Variants in PALS2 observed in about 807,000 individuals in gnomAD.
PALS2 encodes protein associated with LIN7 2, MAGUK p55 family member, also known as protein PALS2.
Under a neutral mutation model 61.6 loss-of-function variants are expected in PALS2, and 27 were observed. The ratio of observed to expected loss-of-function variants is 0.44; its 90% CI spans 0.32 to 0.60. The LOEUF is 0.60. PALS2 is among the 20% of genes least tolerant of loss of function. PALS2 has a pLI of 0.05. For synonymous variants in PALS2, 236 were observed against 218.6 expected (o/e 1.08, Z -0.70); for missense variants, 554 against 639.4 (o/e 0.87, Z 1.44).
intron 9 of PALS2, among the ~76,000 whole-genome samples, chr7:24,677,680 A>C (rs1006201125): frequency 1.3e-5 from 2 of 152,202 alleles, no homozygotes; most frequent in Non-Finnish European, 2.9e-5. Context: ...ACATTTATTG[A>C]GAAGTTTTAT....
intron 4 of PALS2, 119 bp from the exon 5 acceptor site, chr7:24,650,366 G>T: frequency 1.2e-6 from 1 of 851,786 alleles, no homozygotes. Flanking sequence ...AGAGAACATG[G>T]GAAAAGTAAG....
chr7:24,691,042 C>A lies in PALS2; in HGVS notation c.*3428C>A, dbSNP rs545337671. 6.6e-6 allele frequency: 1 copy of A among 151,906 alleles called. No individual in the cohort carries two copies. The highest frequency in any genetic ancestry group is 1.5e-5 in the Non-Finnish European group (1 of 67,946). 9.4% of individuals were successfully genotyped at this position (151,906 alleles called of 1,614,324 possible). On this transcript the variant is annotated 3_prime_UTR_variant, in exon 12 of 12. Transcript: ENST00000222644. ...TATCCCAATGACAATAAAAAATGAT[C>A]CTTGGTTTAAAAATTATTAAATGGT...
intron 2 of PALS2, among the ~76,000 whole-genome samples, chr7:24,629,601 A>G (rs1033414185): frequency 2.6e-5 from 4 of 152,112 alleles, no homozygotes; most frequent in African/African-American, 7.2e-5. Flanking sequence ...AAGGGCTAAT[A>G]TCCAGACTCT....
At chr7:24,648,950 C>T (rs1186207402) in intron 3 of PALS2, among the ~76,000 whole-genome samples, 2 of 150,944 alleles carry the variant, frequency 1.3e-5, no homozygotes, top group African/African-American at 2.4e-5. Flanking sequence ...AGATCAAAAC[C>T]ACCCATGCTG....
chr7:24,597,838 A>G (rs1481522740), intron 1 of PALS2, among the ~76,000 whole-genome samples: 2 of 152,144 alleles, frequency 1.3e-5, no homozygotes, highest in Admixed American at 6.6e-5. Context: ...TCTTTTGACA[A>G]TTTAGTGTGG....
intron 1 of PALS2, among the ~76,000 whole-genome samples, chr7:24,593,887 C>G (rs1005439724): frequency 1.3e-5 from 2 of 152,092 alleles, no homozygotes; most frequent in Admixed American, 6.6e-5. Context: ...AAGTCACCAC[C>G]TGTGTTTGCC....
intron 1 of PALS2, among the ~76,000 whole-genome samples, chr7:24,594,242 C>A (rs1783416120): frequency 6.6e-6 from 1 of 152,086 alleles, no homozygotes; most frequent in South Asian, 2.1e-4. Flanking sequence ...GGGCCTTACT[C>A]TGGATTAGGC....
chr7:24,576,573 T>G (rs1197790626), intron 1 of PALS2, among the ~76,000 whole-genome samples: 1 of 152,236 alleles, frequency 6.6e-6, no homozygotes, highest in African/African-American at 2.4e-5. Flanking sequence ...TTAAGTGGTC[T>G]AAGTATGCCT....
chr7:24,646,489 C>T (rs527853700), intron 3 of PALS2, among the ~76,000 whole-genome samples: 1 of 152,232 alleles, frequency 6.6e-6, no homozygotes, highest in Non-Finnish European at 1.5e-5. Flanking sequence ...ACCTTGCATT[C>T]TGGGGATGAA....
chr7:24,646,857 A>G (rs1027940706), intron 3 of PALS2, among the ~76,000 whole-genome samples: 1 of 152,160 alleles, frequency 6.6e-6, no homozygotes, highest in South Asian at 2.1e-4. Context: ...CAGGGAATCA[A>G]TTTATTCCTG....
chr7:24,662,835 C>G (rs1245020956), intron 5 of PALS2, among the ~76,000 whole-genome samples: 1 of 146,024 alleles, frequency 6.8e-6, no homozygotes, highest in Non-Finnish European at 1.5e-5. Flanking sequence ...AACCTTCCAT[C>G]AAATACCAAA....
chr7:24,658,490 G>C (rs1316626118), intron 5 of PALS2, among the ~76,000 whole-genome samples: 1 of 151,664 alleles, frequency 6.6e-6, no homozygotes, highest in Admixed American at 6.6e-5. Context: ...TGGCTGCCAG[G>C]CATCAAAAAT....
At chr7:24,611,840 A>T (rs570724211) in intron 1 of PALS2, among the ~76,000 whole-genome samples, 1 of 151,878 alleles carries the variant, frequency 6.6e-6, no homozygotes, top group African/African-American at 2.4e-5. Context: ...GAGTGGTGCA[A>T]ATTGAATCTA....
At chr7:24,685,213 C>A (rs1788133069) in intron 11 of PALS2, among the ~76,000 whole-genome samples, 1 of 152,120 alleles carries the variant, frequency 6.6e-6, no homozygotes, top group Admixed American at 6.5e-5. Flanking sequence ...TCTTTTAAAG[C>A]CACTGAAATA....
At chr7:24,587,631 C>G (rs985320394) in intron 1 of PALS2, among the ~76,000 whole-genome samples, 1 of 151,886 alleles carries the variant, frequency 6.6e-6, no homozygotes, top group African/African-American at 2.4e-5. Context: ...CCCTTCTTGG[C>G]CTCCCATAGT....
chr7:24,597,191 G>C (rs1400437271), intron 1 of PALS2: 1 of 152,090 alleles, frequency 6.6e-6, no homozygotes, highest in South Asian at 2.1e-4. Context: ...GTTGAAGAAA[G>C]GTGAGTGCTG....
chr7:24,630,907 A>G (rs570276983), intron 2 of PALS2, among the ~76,000 whole-genome samples: 1 of 152,314 alleles, frequency 6.6e-6, no homozygotes, highest in Admixed American at 6.5e-5. Flanking sequence ...TCAAAATACT[A>G]CTGGTTATTG....
chr7:24,635,163 ATT>A (rs1284250053), intron 2 of PALS2, among the ~76,000 whole-genome samples: 4 of 152,334 alleles, frequency 2.6e-5, no homozygotes, highest in African/African-American at 9.6e-5. Flanking sequence ...TCTGGGGAGT[ATT>A]GCCATCTTAA....
At chr7:24,648,669 G>GCCGA (rs1363577968) in intron 3 of PALS2, among the ~76,000 whole-genome samples, 1 of 151,970 alleles carries the variant, frequency 6.6e-6, no homozygotes, top group East Asian at 1.9e-4. Context: ...TCCTTGGGAG[G>GCCGA]CCGAGGTGGG....
Sources: allele counts gnomAD v4.1 joint callset (sites outside exome capture counted in the v4.1 genomes callset), GRCh38; gene constraint gnomAD v4.1.1; transcripts MANE v1.5; gene names NCBI Gene and HGNC (gene_info 2026-07-23, HGNC 2026-07-21).